Variants in ARHGEF10L observed in about 807,000 individuals in gnomAD.
ARHGEF10L encodes rho guanine nucleotide exchange factor 10-like protein.
In ARHGEF10L, 69 loss-of-function variants were observed where a neutral mutation model predicts 141.2. The ratio of observed to expected loss-of-function variants is 0.49; its 90% CI spans 0.40 to 0.60. The LOEUF is 0.60. ARHGEF10L is among the 20% of genes least tolerant of loss of function. ARHGEF10L has a pLI of 0.00. For missense variants in ARHGEF10L, 1,482 were observed against 1,734.3 expected, an observed-to-expected ratio of 0.85 and a Z score of 2.58; for synonymous variants, 711 against 718.5, an observed-to-expected ratio of 0.99 and a Z score of 0.17.
intron 21 of ARHGEF10L, among the ~76,000 whole-genome samples, chr1:17,645,314 T>A (rs981263488): frequency 6.6e-6 from 1 of 152,048 alleles, no homozygotes; most frequent in Non-Finnish European, 1.5e-5. Context: ...ACGACTCCAT[T>A]TTCTTGTAAC....
chr1:17,690,503 C>T (rs2065023728), intron 27 of ARHGEF10L, among the ~76,000 whole-genome samples: 1 of 152,254 alleles, frequency 6.6e-6, no homozygotes, highest in African/African-American at 2.4e-5. Context: ...GCTCCTTGCC[C>T]CTCCTAAGAC....
the ARHGEF10L span, among the ~76,000 whole-genome samples, chr1:17,520,219 T>C: frequency 1.3e-5 from 2 of 152,192 alleles, no homozygotes; most frequent in Non-Finnish European, 2.9e-5. Flanking sequence ...CCTCGTGGAC[T>C]GCCAGGGCTG....
intron 25 of ARHGEF10L, among the ~76,000 whole-genome samples, chr1:17,663,030 C>G (rs2062726884): frequency 6.6e-6 from 1 of 152,238 alleles, no homozygotes; most frequent in South Asian, 2.1e-4. Context: ...TCTTCAACCC[C>G]CCTTTCCCAC....
rs773752832 is a variant in ARHGEF10L at position 17,619,319 on chromosome 1, C to A, written c.836-20C>A. On this transcript the variant is annotated intron_variant, in intron 9 of 28. Coordinates refer to ENST00000361221, the MANE Select transcript of ARHGEF10L (RefSeq NM_018125.4). This position sits in a 1 kb window ranked among gnomAD's most constrained non-coding sequence, Gnocchi z 5.0. Reference sequence around the variant, plus strand: ...GCTGTCCCTGCCTTAGCTGTGTCATCGGCCCATCTGACTTTCCAGGTGACT... The same window carrying A: ...GCTGTCCCTGCCTTAGCTGTGTCATAGGCCCATCTGACTTTCCAGGTGACT... The A allele has an allele frequency of 1.2e-6, 2 of 1,608,966 alleles. No homozygotes were observed. Among genetic ancestry groups the A allele is most frequent in the Non-Finnish European group, 1.7e-6 (2 of 1,176,690 alleles).
rs1553181484 is a variant in ARHGEF10L, at chr1:17,588,880, G to GTGTC, written c.257+404_257+405insCTGT. On this transcript the variant is annotated intron_variant, in intron 4 of 28. Coordinates refer to ENST00000361221, the MANE Select transcript of ARHGEF10L (RefSeq NM_018125.4). ...TGTGTGTGTGTGTGTGTGTGTGTGT[G>GTGTC]TGTGTGTGTGTGTGTGTGTAGTGGG... 8.1e-3 allele frequency among the ~76,000 whole-genome samples: 605 copies of GTGTC among 74,524 alleles called. 24 individuals are homozygous for GTGTC. The highest frequency in any genetic ancestry group is 0.026 in the Middle Eastern group (4 of 152). The allele number at this position is 74,524 out of a possible 152,430, so 48.9% of individuals were successfully genotyped here.
intron 26 of ARHGEF10L, among the ~76,000 whole-genome samples, chr1:17,683,303 G>A (rs2064283506): frequency 9.1e-6 from 1 of 109,356 alleles, no homozygotes; most frequent in Non-Finnish European, 1.9e-5. Flanking sequence ...ACTGCCCCCT[G>A]CTCTCACCCG....
chr1:17,693,937 C>T (rs2065294887), intron 27 of ARHGEF10L: 1 of 152,194 alleles, frequency 6.6e-6, no homozygotes, highest in Non-Finnish European at 1.5e-5. Flanking sequence ...CTGTGTGTGA[C>T]ATGGTGGAGG....
At chr1:17,528,060 G>A in the ARHGEF10L span, among the ~76,000 whole-genome samples, 8 of 151,534 alleles carry the variant, frequency 5.3e-5, no homozygotes, top group Non-Finnish European at 1.2e-4. Flanking sequence ...GTAGAGATGA[G>A]GTTTTGCCAT....
In ARHGEF10L at chr1:17,616,129, C is replaced by T. The variant is rs937856204; in HGVS notation, c.762C>T (p.Thr254=). 15 of 1,613,758 alleles carry T rather than the reference C, an allele frequency of 9.3e-6. No homozygotes were observed. The highest frequency in any genetic ancestry group is 1.3e-5 in the Non-Finnish European group (15 of 1,179,972). Residue 254 remains threonine, a synonymous_variant, in exon 9 of 29, where the codon ACC becomes ACT. Coordinates refer to ENST00000361221, the MANE Select transcript of ARHGEF10L (RefSeq NM_018125.4). ...TCATGAAGGCCGCCAAGAGCGGGAC[C>T]AAGGATGGGCTGGAGAAGACACGGA... The part of the protein sequence containing the change: ...TQLMKAAKSG[T]KDGLEKTRMA...
intron 7 of ARHGEF10L, among the ~76,000 whole-genome samples, chr1:17,608,603 G>A (rs76286976): frequency 0.023 from 3,479 of 152,202 alleles, 141 homozygotes; most frequent in African/African-American, 0.08. Context: ...GCTGTGAGGG[G>A]GATAGGTCAT....
intron 21 of ARHGEF10L, among the ~76,000 whole-genome samples, chr1:17,642,764 C>T (rs555438669): frequency 6.6e-6 from 1 of 152,220 alleles, no homozygotes; most frequent in African/African-American, 2.4e-5. Context: ...CTTTGGGAAT[C>T]CTGGCCCTCA....
At chr1:17,549,365 C>T (rs1325234245) in intron 1 of ARHGEF10L, among the ~76,000 whole-genome samples, 1 of 151,978 alleles carries the variant, frequency 6.6e-6, no homozygotes, top group Non-Finnish European at 1.5e-5. Context: ...AAATCAAACA[C>T]ATCAAATTTA....
the ARHGEF10L span, among the ~76,000 whole-genome samples, chr1:17,532,539 C>T: frequency 2.0e-5 from 3 of 151,976 alleles, no homozygotes; most frequent in Non-Finnish European, 4.4e-5. Context: ...GCCTCTGATA[C>T]CCCAGCCCAC....
intron 27 of ARHGEF10L, among the ~76,000 whole-genome samples, chr1:17,692,985 CTT>C (rs1189862990): frequency 1.3e-5 from 2 of 152,228 alleles, no homozygotes; most frequent in East Asian, 3.9e-4. Flanking sequence ...CCTCCCTATC[CTT>C]CCAGGAAGTA....
chr1:17,697,049 G>A lies in ARHGEF10L; in HGVS notation c.3509G>A (p.Gly1170Asp), dbSNP rs1018564979. 3 of 1,603,412 alleles carry A rather than the reference G, an allele frequency of 1.9e-6. No homozygotes were observed. Among genetic ancestry groups the A allele is most frequent in the Non-Finnish European group, 8.5e-7 (1 of 1,174,064 alleles). The change falls in exon 29 of 29, where the codon GGC becomes GAC. Residue 1170 changes from glycine (G) to aspartate (D), a missense_variant. Gly to Asp is a moderately conservative substitution (Grantham distance 94). Around this residue, in one of 3 missense-constraint regions of ARHGEF10L, gnomAD observed 858 missense variants for 966.3 expected, o/e 0.89. Coordinates refer to ENST00000361221, the MANE Select transcript of ARHGEF10L (RefSeq NM_018125.4). This position sits in a 1 kb window ranked among gnomAD's most constrained non-coding sequence, Gnocchi z 4.8. ...GGCCGAGAGCTGACCCGCAAGAAGGGCATCCTCTTGCAGTACCGCCTGCGC... is the reference window on the plus strand; with the variant it reads ...GGCCGAGAGCTGACCCGCAAGAAGGACATCCTCTTGCAGTACCGCCTGCGC... ...HVGRELTRKK[G>D]ILLQYRLRST...
intron 1 of ARHGEF10L, among the ~76,000 whole-genome samples, chr1:17,577,855 G>T (rs1192677076): frequency 6.6e-6 from 1 of 152,196 alleles, no homozygotes; most frequent in African/African-American, 2.4e-5. Context: ...GGTGTTACGA[G>T]AATTAGATAG....
Position 17,621,810 on chromosome 1 carries a change from G to GGGCCACAGCAAGTACT in ARHGEF10L, c.943-50_943-49insACAGCAAGTACTGGCC, listed in dbSNP as rs139721173. 1.0e-5 allele frequency: 15 copies of GGGCCACAGCAAGTACT among 1,496,656 alleles called. No individual in the cohort carries two copies. The highest frequency in any genetic ancestry group is 1.4e-5 in the Non-Finnish European group (15 of 1,074,224). 92.7% of individuals were successfully genotyped at this position (1,496,656 alleles called of 1,614,324 possible). On this transcript the variant is annotated intron_variant, in intron 10 of 28. Transcript: ENST00000361221. The surrounding 1 kb of genome is among the most constrained non-coding windows in gnomAD (Gnocchi z 4.1). ...TTGTCAGCTCCCCTTCCTGTCACTT[G>GGGCCACAGCAAGTACT]GGCCCTGTGCAGCAGGTGTCATGTG... is the stretch of plus-strand genomic sequence containing the variant.
chr1:17,574,325 C>A (rs1301988188), intron 1 of ARHGEF10L, among the ~76,000 whole-genome samples: 14 of 152,152 alleles, frequency 9.2e-5, no homozygotes, highest in Admixed American at 9.2e-4. Flanking sequence ...AGACAGTGCT[C>A]GGAGGTGTCA....
At chr1:17,608,472 G>A (rs1320855123) in intron 7 of ARHGEF10L, among the ~76,000 whole-genome samples, 1 of 152,242 alleles carries the variant, frequency 6.6e-6, no homozygotes, top group Non-Finnish European at 1.5e-5. Flanking sequence ...GGCTAAGCCA[G>A]AGCGGCCTGG....
Sources: allele counts gnomAD v4.1 joint callset (sites outside exome capture counted in the v4.1 genomes callset), GRCh38; gene constraint gnomAD v4.1.1; regional missense constraint gnomAD v4.1.1; non-coding constraint Gnocchi (gnomAD v3.1); transcripts MANE v1.5; gene names NCBI Gene and HGNC (gene_info 2026-07-23, HGNC 2026-07-21).